Variants in EML6 observed in about 807,000 individuals in gnomAD.
EML6 encodes the protein EMAP like 6.
Under a neutral mutation model 240.1 loss-of-function variants are expected in EML6, and 154 were observed. That is an observed-to-expected ratio of 0.64 (90% CI 0.56 to 0.73). The LOEUF (loss-of-function observed/expected upper bound fraction) is 0.73, where lower values mean the gene tolerates loss of function less well. Ranked by LOEUF, EML6 falls within the 30% of genes least tolerant of loss-of-function variation. The pLI is 0.00. For missense variants in EML6, 2,964 were observed against 2,474.6 expected, an observed-to-expected ratio of 1.20 and a Z score of -4.20; for synonymous variants, 1,148 against 899.0, an observed-to-expected ratio of 1.28 and a Z score of -4.95.
chr2:54,776,585 ATTG>A (rs1668612094), intron 2 of EML6, among the ~76,000 whole-genome samples: 1 of 151,918 alleles, frequency 6.6e-6, no homozygotes, highest in Non-Finnish European at 1.5e-5. Context: ...TTTCTACTGT[ATTG>A]TTGTTTCATT....
chr2:54,894,732 G>A (rs923749584), intron 19 of EML6, among the ~76,000 whole-genome samples, 183 bp from the exon 20 acceptor site: 9 of 152,194 alleles, frequency 5.9e-5, no homozygotes, highest in Non-Finnish European at 1.0e-4. Flanking sequence ...GCTTAGGGAA[G>A]TATGGGAGAA....
intron 2 of EML6, among the ~76,000 whole-genome samples, chr2:54,754,028 G>A (rs1437962943): frequency 2.6e-5 from 4 of 151,730 alleles, no homozygotes; most frequent in Non-Finnish European, 4.4e-5. Context: ...CCAGTTACTC[G>A]GGAGGCTGAG....
intron 17 of EML6, among the ~76,000 whole-genome samples, chr2:54,890,215 C>T (rs1051577017): frequency 6.6e-6 from 1 of 152,010 alleles, no homozygotes. Context: ...ATTGAGCCAC[C>T]CTTGTGTTTG....
At position 54,785,172 on chromosome 2, in the gene EML6, T is replaced by C. The variant is rs969574818; in HGVS notation, c.198-28060T>C. 0.015 allele frequency among the ~76,000 whole-genome samples: 111 copies of C among 7,464 alleles called. 2 individuals are homozygous for C. The South Asian group carries it at 0.2, about 14-fold the overall frequency. The allele number at this position is 7,464 out of a possible 152,430, so 4.9% of individuals were successfully genotyped here. On this transcript the variant is annotated intron_variant, in intron 2 of 41. Coordinates refer to ENST00000356458, the MANE Select transcript of EML6 (RefSeq NM_001039753.4). The stretch of plus-strand genomic sequence containing the variant: ...ATTTCCACCCCCCCACACACACACT[T>C]TTTTTTTTTTTTTTTTTTTTTAAGA...
intron 26 of EML6, among the ~76,000 whole-genome samples, chr2:54,917,606 C>A (rs1469167945): frequency 6.6e-6 from 1 of 152,136 alleles, no homozygotes; most frequent in Non-Finnish European, 1.5e-5. Flanking sequence ...TGTGATCCAC[C>A]CGCCTTGGCC....
intron 2 of EML6, among the ~76,000 whole-genome samples, chr2:54,737,161 A>G (rs921888595): frequency 1.3e-5 from 2 of 152,232 alleles, no homozygotes; most frequent in African/African-American, 2.4e-5. Flanking sequence ...ATGCAGGTAT[A>G]TAAGAGAATG....
rs1202779837 is a variant in EML6, at chr2:54,844,213, T to C, written c.1014T>C (p.Pro338=). ...CTCTGGCCCTGCACCCCAAGAAGCC[T>C]CTGGCTGTGACAGGCAGCGATGACC... The part of the protein sequence containing the change: ...LWALALHPKK[P]LAVTGSDDRS... The change falls in exon 8 of 42, where the codon CCT becomes CCC. Residue 338 remains proline (P), a synonymous_variant. Coordinates refer to ENST00000356458, the MANE Select transcript of EML6 (RefSeq NM_001039753.4). 3 of 1,551,670 alleles carry C rather than the reference T, an allele frequency of 1.9e-6. No homozygotes were observed. The highest frequency in any genetic ancestry group is 2.6e-6 in the Non-Finnish European group (3 of 1,146,974).
chr2:54,970,353 C>G lies in EML6; in HGVS notation c.*258C>G, dbSNP rs1410793329. The G allele has an allele frequency of 2.1e-6, 1 of 472,262 alleles. No homozygotes were observed. The highest frequency in any genetic ancestry group is 3.8e-6 in the Non-Finnish European group (1 of 262,040). The allele number at this position is 472,262 out of a possible 1,614,324, so 29.3% of individuals were successfully genotyped here. On this transcript the variant is annotated 3_prime_UTR_variant, in exon 42 of 42. Coordinates refer to ENST00000356458, the MANE Select transcript of EML6 (RefSeq NM_001039753.4). The stretch of plus-strand genomic sequence containing the variant: ...TCTGTTCCTGAGACTAAACAGTATA[C>G]ATACTAACTACATTGACAAAGAAAT...
chr2:54,961,674 A>G (rs1204112701), intron 35 of EML6, among the ~76,000 whole-genome samples: 5 of 152,054 alleles, frequency 3.3e-5, no homozygotes, highest in African/African-American at 1.2e-4. Context: ...AAGAGGGTGG[A>G]GAAGAGCAAT....
At chr2:54,936,198 A>C (rs10153785) in intron 28 of EML6, among the ~76,000 whole-genome samples, 1 of 152,056 alleles carries the variant, frequency 6.6e-6, no homozygotes. Flanking sequence ...TCAGTTTTGT[A>C]TACTGTGGTA....
intron 2 of EML6, among the ~76,000 whole-genome samples, chr2:54,762,355 A>C (rs909147112): frequency 6.6e-6 from 1 of 152,146 alleles, no homozygotes; most frequent in African/African-American, 2.4e-5. Context: ...CTATCCACTC[A>C]TTATTGGTGA....
In EML6 at chr2:54,959,166, C is replaced by T. The variant is rs1291355964; in HGVS notation, c.4758C>T (p.Leu1586=). 2 of 1,551,540 alleles carry T rather than the reference C, an allele frequency of 1.3e-6. No homozygotes were observed. The highest frequency in any genetic ancestry group is 2.0e-5 in the Admixed American group (1 of 50,992). Residue 1586 remains leucine (L), a synonymous_variant, in exon 34 of 42, where the codon CTC becomes CTT. Transcript: ENST00000356458. ...GDVYVWKDHF[L]IRLVAKAHTG... is the part of the protein sequence containing the mutation. ...TCTACGTCTGGAAGGACCACTTCCT[C>T]ATCCGGCTGGTGGCCAAGGCTCACA...
At chr2:54,845,354 T>G (rs1183174347) in intron 8 of EML6, among the ~76,000 whole-genome samples, 1 of 152,218 alleles carries the variant, frequency 6.6e-6, no homozygotes, top group Non-Finnish European at 1.5e-5. Flanking sequence ...CAGACACGTG[T>G]GAAACTCATA....
chr2:54,863,947 A>C (rs897015551), intron 13 of EML6, 58 bp downstream of exon 13: 2 of 910,820 alleles, frequency 2.2e-6, no homozygotes, highest in East Asian at 5.5e-5. Context: ...TCATTCCTGG[A>C]TTTGGACATA....
intron 13 of EML6, among the ~76,000 whole-genome samples, chr2:54,865,141 G>C (rs1323767542): frequency 6.6e-6 from 1 of 152,116 alleles, no homozygotes; most frequent in Non-Finnish European, 1.5e-5. Context: ...ACAGAATTTA[G>C]GAAAAGAAAT....
chr2:54,870,337 G>C (rs1353250188), intron 15 of EML6, among the ~76,000 whole-genome samples: 1 of 149,830 alleles, frequency 6.7e-6, no homozygotes, highest in Non-Finnish European at 1.5e-5. Flanking sequence ...TTTTTAAAAG[G>C]GTTGCAGTCC....
chr2:54,753,217 GT>G (rs1267114154), intron 2 of EML6, among the ~76,000 whole-genome samples: 1 of 152,182 alleles, frequency 6.6e-6, no homozygotes, highest in African/African-American at 2.4e-5. Flanking sequence ...TTATCCTGGT[GT>G]GGAGTACCAC....
intron 2 of EML6, among the ~76,000 whole-genome samples, chr2:54,758,317 T>C (rs977852292): frequency 1.3e-5 from 2 of 152,200 alleles, no homozygotes. Flanking sequence ...AGTGTAATAC[T>C]ATTTCTGGTG....
chr2:54,902,689 G>A (rs1217141956), intron 22 of EML6, among the ~76,000 whole-genome samples: 2 of 152,316 alleles, frequency 1.3e-5, no homozygotes, highest in African/African-American at 4.8e-5. Flanking sequence ...ATAAGCCACT[G>A]CACCTAGCTT....
Sources: allele counts gnomAD v4.1 joint callset (sites outside exome capture counted in the v4.1 genomes callset), GRCh38; gene constraint gnomAD v4.1.1; transcripts MANE v1.5; gene names NCBI Gene and HGNC (gene_info 2026-07-23, HGNC 2026-07-21).